The following ZCRB1 variants were observed in gnomAD, a reference collection of about 807,000 sequenced individuals.
ZCRB1 encodes the protein zinc finger CCHC-type and RNA binding motif containing 1, also known as zinc finger CCHC-type and RNA-binding motif-containing protein 1.
In ZCRB1, 21 loss-of-function variants were observed where a neutral mutation model predicts 29.9. That is an observed-to-expected ratio of 0.70 (90% CI 0.50 to 1.01). The LOEUF (loss-of-function observed/expected upper bound fraction) is 1.01. Among genes scored for constraint, ZCRB1 ranks in the 50% least tolerant of loss-of-function variants. The pLI is 0.00. For synonymous variants in ZCRB1, 77 were observed against 80.0 expected, an observed-to-expected ratio of 0.96 and a Z score of 0.20; for missense variants, 204 against 253.3, an observed-to-expected ratio of 0.81 and a Z score of 1.32.
At chr12:42,325,888 C>G (rs1308834529) in intron 1 of ZCRB1, 36 bp downstream of exon 1, 1 of 152,536 alleles carries the variant, frequency 6.6e-6, no homozygotes, top group Non-Finnish European at 1.5e-5. Context: ...GAGGGGGCCC[C>G]GCAGGAGAGA....
At chr12:42,320,815 A>C (rs1309138216) in intron 3 of ZCRB1, among the ~76,000 whole-genome samples, 1 of 152,216 alleles carries the variant, frequency 6.6e-6, no homozygotes, top group Admixed American at 6.5e-5. Context: ...TAAAAAATTT[A>C]AATCATGTCA....
intron 2 of ZCRB1, among the ~76,000 whole-genome samples, chr12:42,323,245 G>A (rs1468850629): frequency 6.6e-6 from 1 of 152,184 alleles, no homozygotes; most frequent in Non-Finnish European, 1.5e-5. Flanking sequence ...GGGTTCTGAA[G>A]GCCAGTACAG....
chr12:42,322,430 C>T lies in ZCRB1; in HGVS notation c.101G>A (p.Gly34Asp), dbSNP rs2068626352. The change falls in exon 3 of 8, where the codon GGC (glycine) becomes GAC (aspartate). Residue 34 changes from glycine (G) to aspartate (D), a missense_variant. Physicochemically the swap from Gly to Asp is moderately conservative, Grantham distance 94. Coordinates refer to ENST00000266529, the MANE Select transcript of ZCRB1 (RefSeq NM_033114.4). ...NDLYRIFSKY[G>D]KVVKVTIMKD... ...TGTGAATACTTACTTTACAACTTTG[C>T]CATACTTGGAAAATATCTGAAACAA... 1 of 1,483,214 alleles carries T rather than the reference C, an allele frequency of 6.7e-7. No homozygotes were observed. Among genetic ancestry groups the T allele is most frequent in the Non-Finnish European group, 9.1e-7 (1 of 1,098,870 alleles). 91.9% of individuals were successfully genotyped at this position (1,483,214 alleles called of 1,614,324 possible).
intron 3 of ZCRB1, among the ~76,000 whole-genome samples, chr12:42,318,152 G>C (rs1029311434): frequency 2.6e-5 from 4 of 152,090 alleles, no homozygotes; most frequent in African/African-American, 9.7e-5. Context: ...AAATTACAGA[G>C]ACAATGAAAT....
chr12:42,325,328 A>C (rs1301245345), intron 1 of ZCRB1: 6 of 152,148 alleles, frequency 3.9e-5, no homozygotes, highest in Non-Finnish European at 5.9e-5. Flanking sequence ...TATGATGTTA[A>C]GGAGTAAATT....
Position 42,312,439 on chromosome 12 carries a change from C to T in ZCRB1, c.*628G>A, listed in dbSNP as rs1488016954. ...TTAAAAAAGATATATATGGATTCCC[C>T]CAAATTTTTAATACAGCCACATTGG... On this transcript the variant is annotated 3_prime_UTR_variant, in exon 8 of 8. Coordinates refer to ENST00000266529, the MANE Select transcript of ZCRB1 (RefSeq NM_033114.4). 1 of 152,002 alleles carries T rather than the reference C, an allele frequency of 6.6e-6. No individual in the cohort carries two copies. The highest frequency in any genetic ancestry group is 1.5e-5 in the Non-Finnish European group (1 of 67,994). The allele number at this position is 152,002 out of a possible 1,614,324, so 9.4% of individuals were successfully genotyped here. A position where few individuals can be genotyped will look rare whatever the true frequency, so the allele number is the denominator to read the frequency against.
chr12:42,318,386 T>C lies in ZCRB1; in HGVS notation c.114-488A>G, dbSNP rs112440716. 9.4e-3 allele frequency among the ~76,000 whole-genome samples: 1,428 copies of C among 152,258 alleles called. 22 individuals are homozygous for C. Among genetic ancestry groups the C allele is most frequent in the African/African-American group, 0.032 (1,329 of 41,536 alleles). ...GGTGCGCACCTGTAGTTCCAGCTAC[T>C]TGGGAGGCAGAGGCAGGAGGATGCT... On this transcript the variant is annotated intron_variant, in intron 3 of 7. Transcript: ENST00000266529.
rs1026957356 is a variant in ZCRB1, at chr12:42,322,408, G to T, written c.113+10C>A. On this transcript the variant is annotated intron_variant, in intron 3 of 7. Transcript: ENST00000266529. ...TAAATGAAGTTACAAAATTTAATGT[G>T]AATACTTACTTTACAACTTTGCCAT... 6.8e-7 allele frequency: 1 copy of T among 1,465,664 alleles called. No homozygotes were observed. Among genetic ancestry groups the T allele is most frequent in the South Asian group, 1.3e-5 (1 of 74,962 alleles). 90.8% of individuals were successfully genotyped at this position (1,465,664 alleles called of 1,614,324 possible).
intron 4 of ZCRB1, 123 bp from the exon 5 acceptor site, chr12:42,317,570 G>C: frequency 1.1e-6 from 1 of 886,064 alleles, no homozygotes; most frequent in Non-Finnish European, 1.7e-6. Flanking sequence ...TTGTCACTTA[G>C]GTGTGATAAA....
At chr12:42,315,169 G>A (rs563146680) in intron 5 of ZCRB1, among the ~76,000 whole-genome samples, 40 of 152,222 alleles carry the variant, frequency 2.6e-4, no homozygotes, top group African/African-American at 8.7e-4. Flanking sequence ...AGTAACATAC[G>A]TGGCTTGCAT....
intron 3 of ZCRB1, among the ~76,000 whole-genome samples, chr12:42,320,379 C>G (rs935440448): frequency 2.6e-5 from 4 of 152,168 alleles, no homozygotes; most frequent in Non-Finnish European, 5.9e-5. Context: ...TCCACCTGTA[C>G]TATTTTAGTA....
intron 2 of ZCRB1, among the ~76,000 whole-genome samples, chr12:42,322,687 A>G (rs1036897824): frequency 6.6e-6 from 1 of 152,044 alleles, no homozygotes; most frequent in African/African-American, 2.4e-5. Context: ...AGAGAAAAAA[A>G]CTCACTCTAC....
chr12:42,318,912 A>G (rs1214072055), intron 3 of ZCRB1, among the ~76,000 whole-genome samples: 1 of 152,196 alleles, frequency 6.6e-6, no homozygotes, highest in East Asian at 1.9e-4. Context: ...CAGAGAAGGT[A>G]GGAATTTATA....
chr12:42,321,768 A>G (rs556152428), intron 3 of ZCRB1, among the ~76,000 whole-genome samples: 21 of 152,350 alleles, frequency 1.4e-4, no homozygotes, highest in South Asian at 8.3e-4. Context: ...TATATTGGTT[A>G]CAAGAAAGTT....
intron 3 of ZCRB1, among the ~76,000 whole-genome samples, chr12:42,320,954 C>T (rs968155083): frequency 1.2e-4 from 19 of 152,184 alleles, no homozygotes; most frequent in Non-Finnish European, 1.9e-4. Context: ...GCTTTCTCCC[C>T]CTTACTCACT....
chr12:42,323,311 GT>G (rs1379963649), intron 2 of ZCRB1, among the ~76,000 whole-genome samples: 1 of 152,168 alleles, frequency 6.6e-6, no homozygotes, highest in African/African-American at 2.4e-5. Flanking sequence ...GAAAGCCAGA[GT>G]CCTTACCATG....
At chr12:42,317,018 G>C (rs1378674564) in intron 5 of ZCRB1, among the ~76,000 whole-genome samples, 1 of 152,066 alleles carries the variant, frequency 6.6e-6, no homozygotes, top group African/African-American at 2.4e-5. Context: ...ATTGGCCTGG[G>C]CAACATAGGA....
chr12:42,320,701 C>T (rs182391899), intron 3 of ZCRB1, among the ~76,000 whole-genome samples: 1,537 of 152,208 alleles, frequency 0.01, 15 homozygotes, highest in Non-Finnish European at 0.017. Flanking sequence ...CCTCCCACAT[C>T]GGCTTCCCAA....
At chr12:42,314,479 G>C (rs1336441217) in intron 5 of ZCRB1, among the ~76,000 whole-genome samples, 1 of 149,946 alleles carries the variant, frequency 6.7e-6, no homozygotes, top group African/African-American at 2.5e-5. Context: ...CTACTCAGGA[G>C]GCTGAGGTAG....
Sources: allele counts gnomAD v4.1 joint callset (sites outside exome capture counted in the v4.1 genomes callset), GRCh38; gene constraint gnomAD v4.1.1; transcripts MANE v1.5; gene names NCBI Gene and HGNC (gene_info 2026-07-23, HGNC 2026-07-21).